The following COBL variants were observed in gnomAD, a reference collection of about 807,000 sequenced individuals.
The protein encoded by COBL is protein cordon-bleu.
Under a neutral mutation model 98.8 loss-of-function variants are expected in COBL, and 51 were observed. The ratio of observed to expected loss-of-function variants is 0.52; its 90% confidence interval spans 0.41 to 0.65. The LOEUF (loss-of-function observed/expected upper bound fraction) is 0.65. COBL is among the 30% of genes least tolerant of loss of function. The pLI is 0.00. For missense variants in COBL, 1,617 were observed against 1,617.5 expected (o/e 1.00, Z 0.01); for synonymous variants, 634 against 651.7 (o/e 0.97, Z 0.41).
chr7:51,113,388 A>C (rs553026139), intron 6 of COBL, among the ~76,000 whole-genome samples: 8 of 152,248 alleles, frequency 5.3e-5, no homozygotes, highest in Non-Finnish European at 1.2e-4. Context: ...TATTGTTTAT[A>C]AAGTGTCCAT....
rs918607476 is a variant in COBL, at chr7:51,190,859, T to C, written c.676A>G (p.Asn226Asp). Residue 226 changes from asparagine (N) to aspartate (D), a missense_variant, in exon 4 of 13, where the codon AAC becomes GAC. Coordinates refer to ENST00000265136, the MANE Select transcript of COBL (RefSeq NM_015198.5). ...LGIKELYAWD[N>D]RRETFRKSSL... ...CGCAGCGGGGCCTCACCTCTTCTGT[T>C]GTCCCACGCGTAGAGCTCCTTTATC... 5.0e-6 allele frequency: 8 copies of C among 1,613,672 alleles called. No homozygotes were observed. The Admixed American group carries it at 1.0e-4, about 20-fold the overall frequency.
chr7:51,208,203 C>T (rs1260111843), intron 2 of COBL, among the ~76,000 whole-genome samples: 2 of 149,880 alleles, frequency 1.3e-5, no homozygotes, highest in African/African-American at 2.4e-5. Flanking sequence ...GCAACCGCCC[C>T]GTCTGAGAAG....
chr7:51,173,507 C>G (rs1016833123), intron 5 of COBL, among the ~76,000 whole-genome samples: 1 of 152,152 alleles, frequency 6.6e-6, no homozygotes, highest in Admixed American at 6.5e-5. Flanking sequence ...TTAATCACTG[C>G]CCAGCTAATT....
intron 5 of COBL, among the ~76,000 whole-genome samples, chr7:51,136,987 C>A (rs1477387612): frequency 6.6e-6 from 1 of 152,228 alleles, no homozygotes; most frequent in East Asian, 1.9e-4. Context: ...GGCTACAGGA[C>A]ACACAAACTT....
intron 1 of COBL, among the ~76,000 whole-genome samples, chr7:51,276,007 C>T (rs950145326): frequency 6.6e-6 from 1 of 152,144 alleles, no homozygotes; most frequent in African/African-American, 2.4e-5. Flanking sequence ...CCTACAAAAG[C>T]CCTTTGGCTT....
intron 8 of COBL, among the ~76,000 whole-genome samples, chr7:51,038,819 C>T (rs1788882383): frequency 6.6e-6 from 1 of 152,236 alleles, no homozygotes; most frequent in African/African-American, 2.4e-5. Context: ...CCTGGCCTTG[C>T]CAGCCAGACA....
At position 51,027,960 on chromosome 7, in the gene COBL, G is replaced by T. The variant is rs776944424; in HGVS notation, c.3136C>A (p.His1046Asn). The change falls in exon 10 of 13, where the codon CAC becomes AAC. Residue 1046 changes from histidine to asparagine, a missense_variant. Coordinates refer to ENST00000265136, the MANE Select transcript of COBL (RefSeq NM_015198.5). ...LVNGSVRAPG[H>N]GEPSHPPGGS... ...CCTGGAGGGTGGGAAGGCTCGCCGT[G>T]GCCTGGGGCGCGCACAGAGCCATTG... 1 of 1,610,196 alleles carries T rather than the reference G, an allele frequency of 6.2e-7. No homozygotes were observed. Among genetic ancestry groups the T allele is most frequent in the Non-Finnish European group, 8.5e-7 (1 of 1,177,892 alleles).
At chr7:51,018,527 A>G (rs1234029584) in intron 12 of COBL, 1 of 151,998 alleles carries the variant, frequency 6.6e-6, no homozygotes, top group South Asian at 2.1e-4. Flanking sequence ...TTTAACATCT[A>G]CTTCAAGCCT....
chr7:51,142,246 A>G (rs1040722746), intron 5 of COBL, among the ~76,000 whole-genome samples: 6 of 152,158 alleles, frequency 3.9e-5, no homozygotes, highest in African/African-American at 1.4e-4. Context: ...TAGAAGAAGA[A>G]AAGTGGCAGA....
intron 7 of COBL, among the ~76,000 whole-genome samples, chr7:51,061,636 A>C (rs1270825216): frequency 1.3e-5 from 2 of 152,138 alleles, no homozygotes; most frequent in Non-Finnish European, 2.9e-5. Flanking sequence ...TACCAGAGTG[A>C]TCAGCATCTG....
At chr7:51,217,896 GA>G (rs1042872441) in intron 2 of COBL, among the ~76,000 whole-genome samples, 8 of 152,202 alleles carry the variant, frequency 5.3e-5, no homozygotes, top group African/African-American at 1.4e-4. Flanking sequence ...ACCCTGGGGG[GA>G]AAGCCTATCG....
intron 5 of COBL, among the ~76,000 whole-genome samples, chr7:51,173,300 C>A (rs1172489972): frequency 6.6e-6 from 1 of 152,098 alleles, no homozygotes; most frequent in Non-Finnish European, 1.5e-5. Flanking sequence ...CCTGCCTCAG[C>A]CTCCCGAGTA....
chr7:51,045,132 T>C (rs1789567879), intron 7 of COBL, among the ~76,000 whole-genome samples: 1 of 152,174 alleles, frequency 6.6e-6, no homozygotes, highest in Non-Finnish European at 1.5e-5. Context: ...GCTCCCTGTT[T>C]CCCATCACTC....
intron 1 of COBL, among the ~76,000 whole-genome samples, chr7:51,233,140 C>G (rs1348070486): frequency 1.3e-5 from 2 of 152,144 alleles, no homozygotes; most frequent in Admixed American, 1.3e-4. Flanking sequence ...ATGGCTTCAT[C>G]ATGTATTTGG....
chr7:51,042,113 G>A (rs1362228977), intron 8 of COBL, among the ~76,000 whole-genome samples: 1 of 152,058 alleles, frequency 6.6e-6, no homozygotes. Flanking sequence ...TGAGAGAGCA[G>A]TTTTACAAGA....
chr7:51,052,559 A>G (rs1790346732), intron 7 of COBL, among the ~76,000 whole-genome samples: 1 of 152,148 alleles, frequency 6.6e-6, no homozygotes, highest in African/African-American at 2.4e-5. Flanking sequence ...GGCAAGAACA[A>G]AGCTGGTGTC....
intron 4 of COBL, among the ~76,000 whole-genome samples, chr7:51,187,511 C>T (rs1299066218): frequency 1.3e-5 from 2 of 152,094 alleles, no homozygotes; most frequent in Non-Finnish European, 2.9e-5. Flanking sequence ...AAAATCCATA[C>T]TGTCCCAAAT....
At chr7:51,244,618 G>C (rs947498190) in intron 1 of COBL, among the ~76,000 whole-genome samples, 1 of 152,124 alleles carries the variant, frequency 6.6e-6, no homozygotes, top group Non-Finnish European at 1.5e-5. Flanking sequence ...CCCACAGCAT[G>C]CTCCAGTTCC....
intron 1 of COBL, among the ~76,000 whole-genome samples, chr7:51,281,222 C>T (rs940798426): frequency 2.0e-5 from 3 of 152,082 alleles, no homozygotes; most frequent in Non-Finnish European, 4.4e-5. Flanking sequence ...ACTTTGCATA[C>T]AGGTCAACAG....
Sources: gnomAD v4.1 joint callset for allele counts (sites outside exome capture counted in the v4.1 genomes callset) on GRCh38, gnomAD v4.1.1 for gene constraint, MANE v1.5 for transcripts, NCBI Gene and HGNC (gene_info 2026-07-23, HGNC 2026-07-21) for gene names.